SRPK1: variants seen among roughly 807,000 people sequenced by gnomAD.
SRPK1 encodes the protein SFRS protein kinase 1.
A neutral mutation model predicts 89.5 loss-of-function variants in SRPK1; 52 were observed. That is an observed-to-expected ratio of 0.58 (90% confidence interval 0.46 to 0.73). SRPK1 has a LOEUF of 0.73. SRPK1 is among the 30% of genes least tolerant of loss of function. The probability of loss-of-function intolerance (pLI) is 0.00; values close to 1 mark genes in which losing one functional copy is unlikely to be tolerated. For missense variants in SRPK1, 603 were observed against 780.6 expected (o/e 0.77, Z 2.71); for synonymous variants, 255 against 270.2 (o/e 0.94, Z 0.55).
Position 35,888,780 on chromosome 6 carries a change from C to T in SRPK1, c.302+35G>A, listed in dbSNP as rs779349183. On this transcript the variant is annotated intron_variant, in intron 4 of 15. Coordinates refer to ENST00000373825, the MANE Select transcript of SRPK1 (RefSeq NM_003137.5). ...TCAGACAAACACATTTAGACATCAT[C>T]TAACTAATTCTTTTACAGAACCACT... 97 of 1,329,176 alleles carry T rather than the reference C, an allele frequency of 7.3e-5. 1 individual carries two copies. In the South Asian group the frequency reaches 1.0e-3, roughly 14 times the overall value. The allele number at this position is 1,329,176 out of a possible 1,614,324, so 82.3% of individuals were successfully genotyped here.
Position 35,874,305 on chromosome 6 carries a change from A to G in SRPK1, c.513T>C (p.His171=), listed in dbSNP as rs983468631. The change falls in exon 7 of 16, where the codon CAT becomes CAC. Residue 171 remains histidine, a synonymous_variant. Coordinates refer to ENST00000373825, the MANE Select transcript of SRPK1 (RefSeq NM_003137.5). ...ICMVFEVLGH[H]LLKWIIKSNY... ...TGGATTTGATGATCCACTTGAGCAG[A>G]TGATGCCCCAAAACTTCAAATACCA... 1.9e-6 allele frequency: 3 copies of G among 1,613,320 alleles called. No individual in the cohort carries two copies. Among genetic ancestry groups the G allele is most frequent in the Non-Finnish European group, 2.5e-6 (3 of 1,179,692 alleles).
intron 4 of SRPK1, 149 bp from the exon 5 acceptor site, chr6:35,888,260 C>A: frequency 2.1e-6 from 1 of 473,216 alleles, no homozygotes; most frequent in South Asian, 4.4e-5. Context: ...AACATTTATA[C>A]TTGTTAATGA....
At chr6:35,854,378 G>A (rs1406213472) in intron 13 of SRPK1, among the ~76,000 whole-genome samples, 1 of 152,070 alleles carries the variant, frequency 6.6e-6, no homozygotes, top group Non-Finnish European at 1.5e-5. Context: ...TAATTACATT[G>A]GATGCAGGAT....
At chr6:35,860,336 G>A (rs115077676) in intron 12 of SRPK1, among the ~76,000 whole-genome samples, 8 of 152,178 alleles carry the variant, frequency 5.3e-5, no homozygotes, top group African/African-American at 1.9e-4. Flanking sequence ...TTATCACAGG[G>A]TGTGAATGAA....
At chr6:35,880,746 A>AAAAAAAAAAAAAAGAAAGAAAG (rs1770263877) in intron 6 of SRPK1, among the ~76,000 whole-genome samples, 9 of 89,198 alleles carry the variant, frequency 1.0e-4, no homozygotes, top group African/African-American at 1.8e-4. Context: ...AAAAAAAAAA[A>AAAAAAAAAAAAAAGAAAGAAAG]AAAAGAAAAG....
intron 15 of SRPK1, 44 bp from the exon 16 acceptor site, chr6:35,835,532 C>A (rs1161126569): frequency 6.5e-7 from 1 of 1,542,688 alleles, no homozygotes; most frequent in South Asian, 1.2e-5. Context: ...TCAACACAGA[C>A]AAATGACAAG....
chr6:35,844,166 G>A (rs535704253), intron 13 of SRPK1, among the ~76,000 whole-genome samples: 141 of 151,872 alleles, frequency 9.3e-4, no homozygotes, highest in African/African-American at 2.8e-3. Flanking sequence ...CACCAAGCCC[G>A]GCTAATTTTT....
chr6:35,849,080 GC>G (rs1259330006), intron 13 of SRPK1, among the ~76,000 whole-genome samples: 49 of 152,130 alleles, frequency 3.2e-4, no homozygotes, highest in Non-Finnish European at 4.1e-4. Context: ...ATATTTGCAT[GC>G]TATACATTTG....
At chr6:35,910,463 G>A (rs905654291) in intron 2 of SRPK1, among the ~76,000 whole-genome samples, 3 of 152,214 alleles carry the variant, frequency 2.0e-5, no homozygotes, top group Non-Finnish European at 4.4e-5. Flanking sequence ...GGTTCATGAA[G>A]TTTACAGAAA....
chr6:35,914,093 A>G (rs923784768), intron 2 of SRPK1, among the ~76,000 whole-genome samples: 4 of 146,566 alleles, frequency 2.7e-5, no homozygotes, highest in African/African-American at 1.0e-4. Flanking sequence ...CTCCTGCCTC[A>G]GCCTCCCAAG....
intron 7 of SRPK1, 45 bp downstream of exon 7, chr6:35,874,188 A>ACT (rs1368687014): frequency 2.1e-6 from 3 of 1,434,828 alleles, no homozygotes; most frequent in Non-Finnish European, 2.9e-6. Context: ...TTAAAAAATC[A>ACT]CTACATAGTC....
chr6:35,873,388 T>C (rs1770076683), intron 7 of SRPK1, among the ~76,000 whole-genome samples: 1 of 152,160 alleles, frequency 6.6e-6, no homozygotes. Flanking sequence ...CTAATTATTA[T>C]AGGAGGCAAA....
At position 35,874,279 on chromosome 6, in the gene SRPK1, T is replaced by C. The variant is rs1412291435; in HGVS notation, c.539A>G (p.Asn180Ser). 8 of 1,613,524 alleles carry C rather than the reference T, an allele frequency of 5.0e-6. No individual in the cohort carries two copies. Among genetic ancestry groups the C allele is most frequent in the East Asian group, 2.2e-5 (1 of 44,874 alleles). ...ACAAGGCAGTGGAAGCCCCTGATAA[T>C]TGGATTTGATGATCCACTTGAGCAG... is the stretch of plus-strand genomic sequence containing the variant. ...HHLLKWIIKS[N>S]YQGLPLPCVK... is the part of the protein sequence containing the mutation. Residue 180 changes from asparagine (N) to serine (S), a missense_variant, in exon 7 of 16, where the codon AAT (asparagine) becomes AGT (serine). Coordinates refer to ENST00000373825, the MANE Select transcript of SRPK1 (RefSeq NM_003137.5).
chr6:35,858,516 C>T (rs967655388), intron 12 of SRPK1, among the ~76,000 whole-genome samples: 8 of 152,264 alleles, frequency 5.3e-5, no homozygotes, highest in African/African-American at 1.9e-4. Flanking sequence ...ATCAGAATGG[C>T]ATCGGTCTTT....
chr6:35,916,388 G>C (rs1192370697), intron 2 of SRPK1, among the ~76,000 whole-genome samples: 3 of 152,074 alleles, frequency 2.0e-5, no homozygotes, highest in African/African-American at 7.2e-5. Flanking sequence ...GCACTATATG[G>C]AATATAGAAC....
chr6:35,905,113 C>T (rs565693678), intron 2 of SRPK1: 77 of 209,918 alleles, frequency 3.7e-4, no homozygotes, highest in Admixed American at 6.8e-4. Context: ...CACCACTGTA[C>T]TCCAGCCTAG....
chr6:35,917,558 T>C (rs2127272274), intron 2 of SRPK1, among the ~76,000 whole-genome samples: 1 of 152,286 alleles, frequency 6.6e-6, no homozygotes, highest in East Asian at 1.9e-4. Context: ...CAAAGTCAAA[T>C]ACTCCAGCAC....
At chr6:35,884,469 T>C (rs1276568063) in intron 6 of SRPK1, among the ~76,000 whole-genome samples, 1 of 152,204 alleles carries the variant, frequency 6.6e-6, no homozygotes, top group African/African-American at 2.4e-5. Flanking sequence ...GTGGGTATGT[T>C]ATGTTGGGAA....
At chr6:35,899,655 C>T (rs964727058) in intron 2 of SRPK1, among the ~76,000 whole-genome samples, 1 of 152,152 alleles carries the variant, frequency 6.6e-6, no homozygotes, top group Non-Finnish European at 1.5e-5. Flanking sequence ...AAGCACTTTA[C>T]AAAGAAGGAA....
Sources: allele counts gnomAD v4.1 joint callset (sites outside exome capture counted in the v4.1 genomes callset), GRCh38; gene constraint gnomAD v4.1.1; transcripts MANE v1.5; gene names NCBI Gene and HGNC (gene_info 2026-07-23, HGNC 2026-07-21).